APP: variants seen among roughly 807,000 people sequenced by gnomAD.
The protein encoded by APP is amyloid-beta precursor protein.
APP carries 31 observed loss-of-function variants against 101.4 expected under a neutral mutation model. The ratio of observed to expected loss-of-function variants is 0.31; its 90% confidence interval spans 0.23 to 0.41. The LOEUF is 0.41. Among genes scored for constraint, APP ranks in the 10% least tolerant of loss-of-function variants. The pLI is 1.00. For synonymous variants in APP, 366 were observed against 364.4 expected (o/e 1.00, Z -0.05); for missense variants, 839 against 1,003.7 (o/e 0.84, Z 2.22).
At chr21:25,920,056 G>C (rs1357544632) in intron 13 of APP, among the ~76,000 whole-genome samples, 1 of 112,694 alleles carries the variant, frequency 8.9e-6, no homozygotes, top group Non-Finnish European at 1.8e-5. Context: ...AGCCAGAAGA[G>C]AGTGGGGGCC....
intron 13 of APP, among the ~76,000 whole-genome samples, chr21:25,927,142 G>C (rs1186285554): frequency 1.3e-5 from 2 of 151,744 alleles, no homozygotes; most frequent in Non-Finnish European, 2.9e-5. Context: ...CAGGATAAAA[G>C]AGATTAAAGC....
intron 5 of APP, among the ~76,000 whole-genome samples, chr21:26,028,093 G>A (rs2044661566): frequency 6.6e-6 from 1 of 151,760 alleles, no homozygotes; most frequent in Non-Finnish European, 1.5e-5. Flanking sequence ...CTACTTGGGA[G>A]GCTGAGGCAT....
At chr21:25,936,737 T>C (rs74879629) in intron 13 of APP, among the ~76,000 whole-genome samples, 2,457 of 152,324 alleles carry the variant, frequency 0.016, 71 homozygotes, top group African/African-American at 0.056. Context: ...GTTGAAGGAT[T>C]CAGTCTGTGG....
At chr21:25,930,319 A>C (rs2040086555) in intron 13 of APP, among the ~76,000 whole-genome samples, 1 of 152,182 alleles carries the variant, frequency 6.6e-6, no homozygotes, top group Non-Finnish European at 1.5e-5. Flanking sequence ...CAAATGAATG[A>C]ATTGGGAAAC....
intron 13 of APP, among the ~76,000 whole-genome samples, chr21:25,914,679 G>C (rs113249854): frequency 3.1e-4 from 46 of 148,658 alleles, no homozygotes; most frequent in Non-Finnish European, 5.2e-4. Context: ...TCAGCCTCCC[G>C]AGTAGCTGGG....
chr21:26,111,417 C>T (rs530668488), intron 2 of APP, among the ~76,000 whole-genome samples: 5 of 152,010 alleles, frequency 3.3e-5, no homozygotes, highest in African/African-American at 7.3e-5. Context: ...ACTGTAGAGC[C>T]GTGGTGAGAT....
At chr21:26,168,487 T>C (rs183593782) in intron 1 of APP, among the ~76,000 whole-genome samples, 1 of 152,344 alleles carries the variant, frequency 6.6e-6, no homozygotes, top group East Asian at 1.9e-4. Context: ...TCCCAAAAGA[T>C]GGCAGAAAGA....
chr21:26,140,901 G>A (rs1278901743), intron 1 of APP, among the ~76,000 whole-genome samples: 1 of 152,150 alleles, frequency 6.6e-6, no homozygotes, highest in Non-Finnish European at 1.5e-5. Context: ...TAAAACAACC[G>A]GATTATAAGA....
intron 1 of APP, chr21:26,140,213 T>G (rs1295379624): frequency 1.3e-6 from 2 of 1,536,022 alleles, no homozygotes; most frequent in Admixed American, 2.0e-5. Context: ...GGGGAAGAGC[T>G]GGCTCCAATC....
chr21:26,049,180 G>A (rs1034751206), intron 5 of APP, among the ~76,000 whole-genome samples: 1 of 152,118 alleles, frequency 6.6e-6, no homozygotes, highest in Non-Finnish European at 1.5e-5. Flanking sequence ...AAGCCTGGGG[G>A]TGTGGGGGAG....
At chr21:26,065,993 T>C (rs572772496) in intron 3 of APP, among the ~76,000 whole-genome samples, 4 of 152,286 alleles carry the variant, frequency 2.6e-5, no homozygotes, top group Non-Finnish European at 4.4e-5. Flanking sequence ...AGCCTAGATC[T>C]GATTTACGTG....
intron 3 of APP, among the ~76,000 whole-genome samples, chr21:26,057,408 G>C (rs1236554062): frequency 6.6e-6 from 1 of 152,074 alleles, no homozygotes; most frequent in Non-Finnish European, 1.5e-5. Flanking sequence ...TGTTTATTGA[G>C]AAACATACAA....
intron 6 of APP, among the ~76,000 whole-genome samples, chr21:26,017,169 A>T (rs2044123524): frequency 8.0e-6 from 1 of 125,546 alleles, no homozygotes; most frequent in African/African-American, 3.1e-5. Flanking sequence ...ACTACACTCC[A>T]GCCTGGGTGA....
intron 5 of APP, among the ~76,000 whole-genome samples, chr21:26,037,474 T>G (rs1031792057): frequency 1.3e-5 from 2 of 152,200 alleles, no homozygotes; most frequent in African/African-American, 2.4e-5. Context: ...TTATTACATG[T>G]CAATTTTTAA....
At chr21:25,966,400 A>C (rs373745826) in intron 11 of APP, among the ~76,000 whole-genome samples, 1 of 152,256 alleles carries the variant, frequency 6.6e-6, no homozygotes, top group East Asian at 1.9e-4. Context: ...GTGAACAAAT[A>C]AATAATAAAT....
In APP at chr21:26,170,605, C is replaced by T; in HGVS notation, c.16G>A (p.Ala6Thr). The change falls in exon 1 of 18, where the codon GCA becomes ACA. Residue 6 changes from alanine to threonine, a missense_variant. Physicochemically the swap from Ala to Thr is moderately conservative, Grantham distance 58 (BLOSUM62 0). Transcript: ENST00000346798. MLPGL[A>T]LLLLAAWTAR... Reference sequence around the variant, plus strand: ...GTCCAGGCGGCCAGCAGGAGCAGTGCCAAACCGGGCAGCATCGCGACCCTG... The same window carrying T: ...GTCCAGGCGGCCAGCAGGAGCAGTGTCAAACCGGGCAGCATCGCGACCCTG... 6.5e-7 allele frequency: 1 copy of T among 1,538,072 alleles called. No homozygotes were observed.
At chr21:26,072,502 G>A (rs1173295168) in intron 3 of APP, among the ~76,000 whole-genome samples, 7 of 152,038 alleles carry the variant, frequency 4.6e-5, no homozygotes, top group South Asian at 2.1e-4. Context: ...ACTTTTCAAC[G>A]TCAAACTTTG....
chr21:25,940,470 C>CT, intron 13 of APP, among the ~76,000 whole-genome samples: 1 of 152,218 alleles, frequency 6.6e-6, no homozygotes, highest in South Asian at 2.1e-4. Flanking sequence ...CAAGGCATAA[C>CT]AGATTTTTAA....
intron 1 of APP, among the ~76,000 whole-genome samples, chr21:26,152,424 C>T (rs901497509): frequency 1.2e-4 from 18 of 151,742 alleles, no homozygotes; most frequent in Non-Finnish European, 2.5e-4. Context: ...AACAGATTTA[C>T]CCATTCAGTA....
Sources: allele counts gnomAD v4.1 joint callset (sites outside exome capture counted in the v4.1 genomes callset), GRCh38; gene constraint gnomAD v4.1.1; transcripts MANE v1.5; gene names NCBI Gene and HGNC (gene_info 2026-07-23, HGNC 2026-07-21).